Variants in CHST8 observed in about 807,000 individuals in gnomAD.
The protein encoded by CHST8 is carbohydrate sulfotransferase 8, also known as GALNAC-4-ST1.
Under a neutral mutation model 15.0 loss-of-function variants are expected in CHST8, and 10 were observed. That is an observed-to-expected ratio of 0.67 (90% confidence interval 0.41 to 1.13). The LOEUF is 1.13. Among genes scored for constraint, CHST8 ranks in the 50% most tolerant of loss-of-function variants. The probability of loss-of-function intolerance (pLI) is 0.00; values close to 1 mark genes in which losing one functional copy is unlikely to be tolerated. For missense variants in CHST8, 634 were observed against 608.2 expected, an observed-to-expected ratio of 1.04 and a Z score of -0.45; for synonymous variants, 259 against 256.6, an observed-to-expected ratio of 1.01 and a Z score of -0.09.
At chr19:33,622,367 G>A (rs538882564) in intron 1 of CHST8, 71 bp downstream of exon 1, 1 of 152,226 alleles carries the variant, frequency 6.6e-6, no homozygotes, top group Non-Finnish European at 1.5e-5. Context: ...GAGACGCCAG[G>A]AAGGGGTCCC....
chr19:33,698,943 G>A (rs1973277223), intron 3 of CHST8, among the ~76,000 whole-genome samples: 1 of 152,198 alleles, frequency 6.6e-6, no homozygotes, highest in African/African-American at 2.4e-5. Context: ...GGTGGGGAGG[G>A]CTATGGGAGA....
At chr19:33,706,224 G>A (rs752243538) in intron 3 of CHST8, among the ~76,000 whole-genome samples, 12 of 152,180 alleles carry the variant, frequency 7.9e-5, no homozygotes, top group Non-Finnish European at 1.8e-4. Flanking sequence ...TAGAGGTTGG[G>A]GAGCTGCACG....
At chr19:33,657,652 C>T (rs1228131551) in intron 1 of CHST8, among the ~76,000 whole-genome samples, 1 of 151,904 alleles carries the variant, frequency 6.6e-6, no homozygotes, top group Non-Finnish European at 1.5e-5. Flanking sequence ...TCACTGCATC[C>T]TCATCCTCCT....
intron 1 of CHST8, among the ~76,000 whole-genome samples, chr19:33,627,635 C>T (rs981210672): frequency 6.6e-6 from 1 of 152,172 alleles, no homozygotes; most frequent in Admixed American, 6.5e-5. Context: ...CCTTTCCCTG[C>T]CAAGCCATGA....
At chr19:33,758,925 G>GC (rs970723044) in intron 3 of CHST8, among the ~76,000 whole-genome samples, 49 of 152,130 alleles carry the variant, frequency 3.2e-4, no homozygotes, top group African/African-American at 8.5e-4. Flanking sequence ...TTCTTGGCGG[G>GC]GGGGGGCGGT....
At chr19:33,753,466 CCACCACCCACCCACCA>C (rs1974464143) in intron 3 of CHST8, among the ~76,000 whole-genome samples, 2 of 102,346 alleles carry the variant, frequency 2.0e-5, no homozygotes, top group African/African-American at 4.0e-5. Context: ...CACCATCCTC[CCACCACCCACCCACCA>C]TCCTCCTACC....
intron 1 of CHST8, among the ~76,000 whole-genome samples, chr19:33,650,538 T>TTTTTTTTTTTTTTTTC (rs1972432136): frequency 7.9e-6 from 1 of 126,444 alleles, no homozygotes; most frequent in African/African-American, 3.0e-5. Flanking sequence ...TTTTTTTTTT[T>TTTTTTTTTTTTTTTTC]TTTTTTTTTG....
chr19:33,772,763 C>T lies in CHST8; in HGVS notation c.975C>T (p.Asp325=). 1 of 1,613,432 alleles carries T rather than the reference C, an allele frequency of 6.2e-7. No homozygotes were observed. Among genetic ancestry groups the T allele is most frequent in the Non-Finnish European group, 8.5e-7 (1 of 1,180,016 alleles). Residue 325 remains aspartate (D), a synonymous_variant, in exon 5 of 5, where the codon GAC becomes GAT. Coordinates refer to ENST00000650847, the MANE Select transcript of CHST8 (RefSeq NM_001127895.2). ...ACGTGCACCGGCCCGTGGGGATGGA[C>T]ATTCACTGGGACCATGTCAGCCGGC... The part of the protein sequence containing the change: ...LLDVHRPVGM[D]IHWDHVSRLC...
intron 3 of CHST8, among the ~76,000 whole-genome samples, chr19:33,722,067 AGATG>A (rs142959239): frequency 0.031 from 2,260 of 73,618 alleles, 24 homozygotes; most frequent in African/African-American, 0.09. Context: ...CTGATGGATG[AGATG>A]GATGGATGGA....
intron 3 of CHST8, among the ~76,000 whole-genome samples, chr19:33,705,671 G>C (rs1425526243): frequency 6.6e-6 from 1 of 152,192 alleles, no homozygotes; most frequent in Non-Finnish European, 1.5e-5. Context: ...GCTTCCCACA[G>C]TGATGGGGTG....
intron 1 of CHST8, among the ~76,000 whole-genome samples, chr19:33,639,902 C>T (rs1017072629): frequency 9.3e-5 from 14 of 150,298 alleles, no homozygotes; most frequent in Admixed American, 9.3e-4. Flanking sequence ...TGCAGTGGCG[C>T]GATCTCGGCT....
intron 4 of CHST8, 21 bp from the exon 5 acceptor site, chr19:33,771,936 C>T: frequency 1.3e-6 from 2 of 1,535,666 alleles, no homozygotes; most frequent in Non-Finnish European, 1.7e-6. Flanking sequence ...ACTCAGATAA[C>T]CACTTCTCTT....
chr19:33,676,025 C>T (rs1972805081), intron 2 of CHST8, among the ~76,000 whole-genome samples: 1 of 152,148 alleles, frequency 6.6e-6, no homozygotes, highest in Admixed American at 6.5e-5. Flanking sequence ...TGAGGTCCAC[C>T]CATTGCCTCC....
intron 3 of CHST8, among the ~76,000 whole-genome samples, chr19:33,740,806 G>A (rs998270363): frequency 2.6e-5 from 4 of 152,152 alleles, no homozygotes; most frequent in African/African-American, 9.7e-5. Context: ...GAACTTATCG[G>A]CATCTTGTGG....
At chr19:33,734,947 G>C (rs922007164) in intron 3 of CHST8, among the ~76,000 whole-genome samples, 2 of 152,310 alleles carry the variant, frequency 1.3e-5, no homozygotes, top group East Asian at 3.9e-4. Context: ...CGGGATCTCT[G>C]TGTGAGGGTC....
intron 1 of CHST8, among the ~76,000 whole-genome samples, chr19:33,651,984 A>C (rs1220942802): frequency 6.6e-6 from 1 of 152,140 alleles, no homozygotes; most frequent in Non-Finnish European, 1.5e-5. Context: ...TAATTTATCA[A>C]CATCAGAGTG....
chr19:33,728,243 C>G (rs1176411143), intron 3 of CHST8, among the ~76,000 whole-genome samples: 3 of 152,276 alleles, frequency 2.0e-5, no homozygotes, highest in African/African-American at 7.2e-5. Context: ...CACACATCCC[C>G]GTTGAGTTCA....
chr19:33,741,048 C>T (rs1974179353), intron 3 of CHST8, among the ~76,000 whole-genome samples: 1 of 152,202 alleles, frequency 6.6e-6, no homozygotes, highest in Non-Finnish European at 1.5e-5. Context: ...TGAGCTGCTG[C>T]GGCAGGGTCA....
At chr19:33,629,398 TC>T (rs1473137274) in intron 1 of CHST8, among the ~76,000 whole-genome samples, 1 of 152,218 alleles carries the variant, frequency 6.6e-6, no homozygotes, top group Non-Finnish European at 1.5e-5. Context: ...TCTCTCCTTT[TC>T]CTCCTCCCCA....
Sources: gnomAD v4.1 joint callset for allele counts (sites outside exome capture counted in the v4.1 genomes callset) on GRCh38, gnomAD v4.1.1 for gene constraint, MANE v1.5 for transcripts, NCBI Gene and HGNC (gene_info 2026-07-23, HGNC 2026-07-21) for gene names.